The following SFXN1 variants were observed in gnomAD, a reference collection of about 807,000 sequenced individuals.
SFXN1 encodes sideroflexin-1.
Under a neutral mutation model 39.5 loss-of-function variants are expected in SFXN1, and 32 were observed. That is an observed-to-expected ratio of 0.81 (90% confidence interval 0.61 to 1.09). The LOEUF (loss-of-function observed/expected upper bound fraction) is 1.09, where lower values mean the gene tolerates loss of function less well. Ranked by LOEUF, SFXN1 falls within the 50% of genes least tolerant of loss-of-function variation. The pLI, the probability that SFXN1 is intolerant of heterozygous loss-of-function variation, is 0.00. For missense variants in SFXN1, 402 were observed against 407.1 expected, an observed-to-expected ratio of 0.99 and a Z score of 0.11; for synonymous variants, 136 against 146.5, an observed-to-expected ratio of 0.93 and a Z score of 0.52.
intron 6 of SFXN1, 126 bp downstream of exon 6, chr5:175,512,322 G>T: frequency 1.2e-5 from 10 of 842,036 alleles, no homozygotes; most frequent in Non-Finnish European, 1.8e-5. Flanking sequence ...ATGAGATCTT[G>T]GATTTCTTTT....
chr5:175,510,453 TG>T, intron 4 of SFXN1: 1 of 460,664 alleles, frequency 2.2e-6, no homozygotes, highest in Non-Finnish European at 4.0e-6. Flanking sequence ...TTGGAGGTAC[TG>T]GTAGGATGTT....
chr5:175,506,360 CAA>C (rs370044295), intron 2 of SFXN1, among the ~76,000 whole-genome samples: 38 of 152,124 alleles, frequency 2.5e-4, no homozygotes, highest in African/African-American at 8.0e-4. Context: ...ACATAAATAA[CAA>C]TGATGCTGCT....
At chr5:175,516,430 C>CAG (rs1214172400) in intron 7 of SFXN1, among the ~76,000 whole-genome samples, 184 bp from the exon 8 acceptor site, 1 of 152,066 alleles carries the variant, frequency 6.6e-6, no homozygotes, top group Non-Finnish European at 1.5e-5. Flanking sequence ...TTTAGAAAAT[C>CAG]AGAACAGTTT....
chr5:175,507,913 CG>C (rs1760366211), intron 2 of SFXN1, among the ~76,000 whole-genome samples: 1 of 149,386 alleles, frequency 6.7e-6, no homozygotes, highest in African/African-American at 2.5e-5. Flanking sequence ...TTCAAGGCTG[CG>C]GTGAGCTGAG....
intron 2 of SFXN1, among the ~76,000 whole-genome samples, chr5:175,506,753 GC>G (rs1390502621): frequency 6.6e-6 from 1 of 151,884 alleles, no homozygotes; most frequent in Non-Finnish European, 1.5e-5. Flanking sequence ...TGCAACCTCT[GC>G]CCCCCAGGTT....
chr5:175,510,980 CTT>C lies in SFXN1; in HGVS notation c.435-470_435-469del, dbSNP rs201411846. 1.1e-3 allele frequency among the ~76,000 whole-genome samples: 166 copies of C among 152,230 alleles called. 2 individuals are homozygous for C. The East Asian group carries it at 0.03, about 28-fold the overall frequency. On this transcript the variant is annotated intron_variant, in intron 4 of 10. Coordinates refer to ENST00000321442, the MANE Select transcript of SFXN1 (RefSeq NM_022754.7). ...GCTTTATAGTTTTTGGATGATAAGA[CTT>C]AGTATTTTTATACAGTTAAGATATC... is the stretch of plus-strand genomic sequence containing the variant.
At chr5:175,520,824 C>T (rs1162017252) in intron 8 of SFXN1, among the ~76,000 whole-genome samples, 1 of 152,188 alleles carries the variant, frequency 6.6e-6, no homozygotes, top group East Asian at 1.9e-4. Flanking sequence ...CCTTCATCAT[C>T]AAACAGAGAC....
rs568751207 is a variant in SFXN1 at position 175,527,569 on chromosome 5, G to A, written c.*835G>A. 9 of 152,104 alleles carry A rather than the reference G, an allele frequency of 5.9e-5. No homozygotes were observed. In the East Asian group the frequency reaches 1.7e-3, roughly 29 times the overall value. 9.4% of individuals were successfully genotyped at this position (152,104 alleles called of 1,614,324 possible). A position where few individuals can be genotyped will look rare whatever the true frequency, so the allele number is the denominator to read the frequency against. Reference sequence around the variant, plus strand: ...ATGCTGTATGAGTGGGCTGAATCCAGTTCATTGTTTTTTTTTTGGTAAGAA... The same window carrying A: ...ATGCTGTATGAGTGGGCTGAATCCAATTCATTGTTTTTTTTTTGGTAAGAA... On this transcript the variant is annotated 3_prime_UTR_variant, in exon 11 of 11. Transcript: ENST00000321442.
chr5:175,505,578 A>G (rs1162916428), intron 2 of SFXN1, among the ~76,000 whole-genome samples: 2 of 148,902 alleles, frequency 1.3e-5, no homozygotes, highest in East Asian at 3.9e-4. Flanking sequence ...AATAATTCTA[A>G]GGTTTATCTG....
At chr5:175,521,400 A>G (rs953133807) in intron 8 of SFXN1, among the ~76,000 whole-genome samples, 1 of 152,188 alleles carries the variant, frequency 6.6e-6, no homozygotes, top group African/African-American at 2.4e-5. Flanking sequence ...TGTTCCAGCC[A>G]CCATACTAGG....
chr5:175,511,041 C>G (rs1458543788), intron 4 of SFXN1, among the ~76,000 whole-genome samples: 1 of 152,140 alleles, frequency 6.6e-6, no homozygotes. Flanking sequence ...TTTTTGCTTT[C>G]AGTGTGTATA....
intron 1 of SFXN1, among the ~76,000 whole-genome samples, chr5:175,489,183 T>A (rs1759565870): frequency 6.6e-6 from 1 of 152,240 alleles, no homozygotes; most frequent in Non-Finnish European, 1.5e-5. Context: ...GCATTTAGAC[T>A]ATGGTCTACT....
intron 7 of SFXN1, among the ~76,000 whole-genome samples, 156 bp from the exon 8 acceptor site, chr5:175,516,458 A>G: frequency 6.6e-6 from 1 of 152,226 alleles, no homozygotes; most frequent in Non-Finnish European, 1.5e-5. Context: ...AATGAATTCA[A>G]ATGTAATAAT....
chr5:175,501,947 G>A (rs1308387230), intron 2 of SFXN1, among the ~76,000 whole-genome samples: 2 of 152,212 alleles, frequency 1.3e-5, no homozygotes, highest in African/African-American at 4.8e-5. Context: ...ATTCAAATCA[G>A]TCTCCCCGAC....
At chr5:175,499,613 T>C (rs1377427944) in intron 2 of SFXN1, among the ~76,000 whole-genome samples, 10 of 152,170 alleles carry the variant, frequency 6.6e-5, no homozygotes, top group Non-Finnish European at 1.3e-4. Context: ...CATCCATTCA[T>C]GATACAGCTG....
At chr5:175,481,536 G>A (rs1227841776) in intron 1 of SFXN1, among the ~76,000 whole-genome samples, 1 of 152,140 alleles carries the variant, frequency 6.6e-6, no homozygotes, top group East Asian at 1.9e-4. Context: ...GGATGGTCTC[G>A]ATCTCCTGAC....
intron 1 of SFXN1, among the ~76,000 whole-genome samples, chr5:175,479,408 C>T (rs1759147110): frequency 1.3e-5 from 2 of 152,120 alleles, no homozygotes; most frequent in Admixed American, 1.3e-4. Context: ...ACACAGCTGG[C>T]CATCCATAGT....
chr5:175,522,605 T>C (rs1419684769), intron 10 of SFXN1, 183 bp downstream of exon 10: 10 of 531,244 alleles, frequency 1.9e-5, no homozygotes, highest in Middle Eastern at 2.9e-4. Flanking sequence ...TAATTTCAGA[T>C]GCACCCAGCT....
At chr5:175,507,623 G>T (rs976170311) in intron 2 of SFXN1, among the ~76,000 whole-genome samples, 1 of 152,140 alleles carries the variant, frequency 6.6e-6, no homozygotes, top group Admixed American at 6.5e-5. Context: ...ATGAATACGT[G>T]CTTCTTTGAT....
Sources: allele counts gnomAD v4.1 joint callset (sites outside exome capture counted in the v4.1 genomes callset), GRCh38; gene constraint gnomAD v4.1.1; transcripts MANE v1.5; gene names NCBI Gene and HGNC (gene_info 2026-07-23, HGNC 2026-07-21).